Variants in UVRAG observed in about 807,000 individuals in gnomAD.
UVRAG encodes UV radiation resistance associated, also known as UV radiation resistance-associated gene protein.
Under a neutral mutation model 78.0 loss-of-function variants are expected in UVRAG, and 19 were observed. The ratio of observed to expected loss-of-function variants is 0.24; its 90% CI spans 0.17 to 0.36. UVRAG has a LOEUF of 0.36. Ranked by LOEUF, UVRAG falls within the 10% of genes least tolerant of loss-of-function variation. The pLI is 1.00. For missense variants in UVRAG, 740 were observed against 853.8 expected, an observed-to-expected ratio of 0.87 and a Z score of 1.66; for synonymous variants, 323 against 324.6, an observed-to-expected ratio of 1.00 and a Z score of 0.05.
rs138821865 is a variant in UVRAG, at chr11:75,884,212, G to GTCTCTCTCTCTCTCTC, written c.432+4184_432+4199dup. Among the ~76,000 whole-genome samples the GTCTCTCTCTCTCTCTC allele has an allele frequency of 3.3e-3, 479 of 144,134 alleles. 4 individuals carry two copies. Among genetic ancestry groups the GTCTCTCTCTCTCTCTC allele is most frequent in the African/African-American group, 0.012 (449 of 38,050 alleles). 94.6% of individuals were successfully genotyped at this position (144,134 alleles called of 152,430 possible). A position where few individuals can be genotyped will look rare whatever the true frequency, so the allele number is the denominator to read the frequency against. On this transcript the variant is annotated intron_variant, in intron 4 of 14. Coordinates refer to ENST00000356136, the MANE Select transcript of UVRAG (RefSeq NM_003369.4). ...TAAGCAAAAAGTCTATTTGAGATCA[G>GTCTCTCTCTCTCTCTC]TCTCTCTCTCTCTCTCTCTCTCTCT...
chr11:76,124,693 T>C (rs115671253), intron 14 of UVRAG, among the ~76,000 whole-genome samples: 112 of 152,370 alleles, frequency 7.4e-4, no homozygotes, highest in African/African-American at 2.6e-3. Context: ...CTAGTGGCTT[T>C]ATGTGAGGCC....
chr11:75,880,130 A>G (rs1946904080), intron 4 of UVRAG, 90 bp downstream of exon 4: 5 of 1,478,534 alleles, frequency 3.4e-6, no homozygotes, highest in East Asian at 2.3e-5. Flanking sequence ...TGCGTTTCCT[A>G]TTATAAAGAG....
chr11:75,833,827 G>A (rs1369554673), intron 1 of UVRAG, among the ~76,000 whole-genome samples: 1 of 152,214 alleles, frequency 6.6e-6, no homozygotes, highest in African/African-American at 2.4e-5. Flanking sequence ...GGCACAGATC[G>A]CTCATGTTAT....
At chr11:76,053,343 A>ACACACACACAC (rs61533528) in intron 12 of UVRAG, among the ~76,000 whole-genome samples, 1 of 146,984 alleles carries the variant, frequency 6.8e-6, no homozygotes, top group African/African-American at 2.7e-5. Flanking sequence ...ACACACACAC[A>ACACACACACAC]AAAATAAATA....
intron 13 of UVRAG, among the ~76,000 whole-genome samples, chr11:76,073,291 A>G (rs1185912822): frequency 6.6e-6 from 1 of 152,190 alleles, no homozygotes; most frequent in Non-Finnish European, 1.5e-5. Context: ...TGCTAAGTGA[A>G]CTACCTTCTT....
intron 14 of UVRAG, among the ~76,000 whole-genome samples, chr11:76,123,741 G>A (rs1952332881): frequency 6.6e-6 from 1 of 151,276 alleles, no homozygotes; most frequent in African/African-American, 2.5e-5. Context: ...ATTTTCATAA[G>A]TTGTTTTTGA....
chr11:76,051,513 T>C (rs772962493), intron 12 of UVRAG, among the ~76,000 whole-genome samples: 1 of 152,158 alleles, frequency 6.6e-6, no homozygotes, highest in African/African-American at 2.4e-5. Context: ...TATAAGGAAA[T>C]TGATATTGAG....
At chr11:76,054,416 C>T (rs1398972717) in intron 12 of UVRAG, among the ~76,000 whole-genome samples, 1 of 152,150 alleles carries the variant, frequency 6.6e-6, no homozygotes, top group East Asian at 1.9e-4. Context: ...GCAGTTTATC[C>T]TCACAGAGCA....
At chr11:75,818,399 A>T (rs186450811) in intron 1 of UVRAG, among the ~76,000 whole-genome samples, 2 of 152,038 alleles carry the variant, frequency 1.3e-5, no homozygotes, top group Admixed American at 1.3e-4. Context: ...ATAAATTGGA[A>T]TGTCAGTTGT....
chr11:76,095,453 C>T (rs1164367148), intron 13 of UVRAG, among the ~76,000 whole-genome samples: 2 of 151,670 alleles, frequency 1.3e-5, no homozygotes, highest in African/African-American at 4.8e-5. Context: ...ATTAAAAAAG[C>T]ATGTTATTAA....
intron 12 of UVRAG, among the ~76,000 whole-genome samples, chr11:76,030,529 A>G (rs1950416731): frequency 6.6e-6 from 1 of 152,152 alleles, no homozygotes; most frequent in African/African-American, 2.4e-5. Flanking sequence ...TTTCAAACTA[A>G]ATAGTTCTCA....
chr11:76,067,063 C>T (rs7103307), intron 13 of UVRAG, among the ~76,000 whole-genome samples: 14,274 of 152,154 alleles, frequency 0.094, 1,523 homozygotes, highest in African/African-American at 0.26. Context: ...GCCACTCTTC[C>T]CCTTAACCAA....
At chr11:76,065,678 G>T in intron 12 of UVRAG, 32 bp from the exon 13 acceptor site, 1 of 1,604,508 alleles carries the variant, frequency 6.2e-7, no homozygotes. Context: ...CTCAGCTTTT[G>T]AAAATATCTG....
chr11:75,898,566 C>T (rs571315917), intron 5 of UVRAG, among the ~76,000 whole-genome samples: 1 of 152,236 alleles, frequency 6.6e-6, no homozygotes, highest in African/African-American at 2.4e-5. Context: ...TGTGGCAGAA[C>T]CTGGATCAGA....
intron 5 of UVRAG, among the ~76,000 whole-genome samples, chr11:75,900,397 C>T (rs879493147): frequency 3.3e-5 from 5 of 152,132 alleles, no homozygotes; most frequent in Admixed American, 6.6e-5. Flanking sequence ...TCTCTCTCCA[C>T]GAATGCTAGT....
intron 11 of UVRAG, among the ~76,000 whole-genome samples, chr11:76,015,415 T>C (rs566324142): frequency 8.5e-5 from 13 of 152,282 alleles, no homozygotes; most frequent in Admixed American, 2.0e-4. Context: ...TCGTGGAAGA[T>C]TGGGTGTCAA....
At chr11:75,831,780 A>G (rs1023318800) in intron 1 of UVRAG, among the ~76,000 whole-genome samples, 7 of 152,224 alleles carry the variant, frequency 4.6e-5, no homozygotes, top group African/African-American at 1.7e-4. Context: ...TGATGAACCC[A>G]CTGTAAATTG....
chr11:75,875,724 A>C (rs929948475), intron 3 of UVRAG, among the ~76,000 whole-genome samples: 6 of 151,446 alleles, frequency 4.0e-5, no homozygotes, highest in Non-Finnish European at 8.8e-5. Context: ...TTCCCTACAG[A>C]CATCTGTGTG....
intron 12 of UVRAG, among the ~76,000 whole-genome samples, chr11:76,044,316 T>C (rs1950705223): frequency 6.6e-6 from 1 of 152,176 alleles, no homozygotes; most frequent in African/African-American, 2.4e-5. Flanking sequence ...CAGGGTTGTT[T>C]TAAGAATTAA....
Sources: allele counts gnomAD v4.1 joint callset (sites outside exome capture counted in the v4.1 genomes callset), GRCh38; gene constraint gnomAD v4.1.1; transcripts MANE v1.5; gene names NCBI Gene and HGNC (gene_info 2026-07-23, HGNC 2026-07-21).